Variants in OCM observed in about 807,000 individuals in gnomAD.
OCM encodes the protein oncomodulin-1.
Under a neutral mutation model 14.1 loss-of-function variants are expected in OCM, and 18 were observed. The ratio of observed to expected loss-of-function variants is 1.28; its 90% CI spans 0.88 to 1.89. The LOEUF (loss-of-function observed/expected upper bound fraction) is 1.89. Ranked by LOEUF, OCM falls within the 40% of genes most tolerant of loss-of-function variation. The pLI, the probability that OCM is intolerant of heterozygous loss-of-function variation, is 0.00. For synonymous variants in OCM, 48 were observed against 51.0 expected (o/e 0.94, Z 0.25); for missense variants, 140 against 137.6 (o/e 1.02, Z -0.09).
chr7:5,865,733 G>C, the OCM span, among the ~76,000 whole-genome samples: 8 of 152,278 alleles, frequency 5.3e-5, no homozygotes, highest in Admixed American at 5.2e-4. Context: ...CTGCGACCTG[G>C]AAGTCCCAGA....
chr7:5,869,046 G>T, the OCM span, among the ~76,000 whole-genome samples: 2 of 152,100 alleles, frequency 1.3e-5, no homozygotes, highest in African/African-American at 4.8e-5. Flanking sequence ...CTGGGCAACA[G>T]AGTGAGACTC....
At chr7:5,862,322 A>G in the OCM span, among the ~76,000 whole-genome samples, 1 of 152,044 alleles carries the variant, frequency 6.6e-6, no homozygotes, top group Non-Finnish European at 1.5e-5. Flanking sequence ...CCCATGTTCT[A>G]GCCTCATGCA....
In OCM at chr7:5,882,577, G is replaced by C. The variant is rs376247775; in HGVS notation, c.146G>C (p.Arg49Pro). ...MSANQVKDVFRFIDNDQSGYL... is the reference protein window; with the variant it reads ...MSANQVKDVFPFIDNDQSGYL... ...GCCAATCAGGTGAAGGATGTTTTCC[G>C]GTTCATAGACAACGACCAGAGCGGG... is the stretch of plus-strand genomic sequence containing the variant. The change falls in exon 2 of 4, where the codon CGG (arginine) becomes CCG (proline). Residue 49 changes from arginine to proline, a missense_variant. By Grantham distance (103) the Arg-to-Pro change is moderately radical. Transcript: ENST00000242104. The C allele has an allele frequency of 6.2e-7, 1 of 1,614,130 alleles. No homozygotes were observed. The highest frequency in any genetic ancestry group is 1.6e-4 in the Middle Eastern group (1 of 6,062).
the OCM span, among the ~76,000 whole-genome samples, chr7:5,864,322 G>A: frequency 2.1e-5 from 3 of 142,586 alleles, no homozygotes; most frequent in Admixed American, 7.3e-5. Context: ...ACTCCAGCCT[G>A]GGTGACAGGG....
chr7:5,871,531 G>C, the OCM span, among the ~76,000 whole-genome samples: 3 of 151,998 alleles, frequency 2.0e-5, no homozygotes, highest in East Asian at 5.8e-4. Flanking sequence ...TAATATTTCA[G>C]AGTTGTTGCC....
intron 3 of OCM, among the ~76,000 whole-genome samples, chr7:5,885,005 A>T (rs955687120): frequency 6.6e-6 from 1 of 152,074 alleles, no homozygotes; most frequent in African/African-American, 2.4e-5. Context: ...CTGTAATCCC[A>T]ACTACTCGGG....
the OCM span, among the ~76,000 whole-genome samples, chr7:5,869,253 G>C: frequency 2.1e-3 from 314 of 152,242 alleles, 2 homozygotes; most frequent in African/African-American, 7.4e-3. Flanking sequence ...AGACACACCT[G>C]TGAACATACC....
At chr7:5,875,772 A>G (rs1056228768), upstream of OCM, among the ~76,000 whole-genome samples, 2 of 152,080 alleles carry the variant, frequency 1.3e-5, no homozygotes, top group African/African-American at 4.8e-5. Context: ...GGGCTCAGCT[A>G]GTTTCTATGG....
chr7:5,871,962 C>G, the OCM span: 5 of 152,336 alleles, frequency 3.3e-5, no homozygotes, highest in Non-Finnish European at 5.9e-5. Context: ...GCAGAGCGCC[C>G]TGCTGCCCAG....
upstream of OCM, among the ~76,000 whole-genome samples, chr7:5,880,271 T>G (rs1356126173): frequency 2.6e-5 from 4 of 152,208 alleles, no homozygotes; most frequent in Admixed American, 6.5e-5. Flanking sequence ...CCTATGCAAA[T>G]GACTGATTAT....
chr7:5,862,744 CT>C, the OCM span, among the ~76,000 whole-genome samples: 1 of 151,950 alleles, frequency 6.6e-6, no homozygotes. Flanking sequence ...GACTCTACTC[CT>C]TTTCAAGTTT....
the OCM span, among the ~76,000 whole-genome samples, chr7:5,873,519 AT>A: frequency 6.6e-6 from 1 of 152,000 alleles, no homozygotes; most frequent in Non-Finnish European, 1.5e-5. Flanking sequence ...AGTTATTTTC[AT>A]TTTTTGTAGA....
chr7:5,883,002 C>T (rs550479970), intron 2 of OCM, among the ~76,000 whole-genome samples: 1 of 152,070 alleles, frequency 6.6e-6, no homozygotes, highest in East Asian at 1.9e-4. Flanking sequence ...GCCACCACAT[C>T]CAGCTCATTT....
chr7:5,883,564 G>A (rs1781270189), intron 2 of OCM, among the ~76,000 whole-genome samples: 1 of 151,820 alleles, frequency 6.6e-6, no homozygotes, highest in South Asian at 2.1e-4. Flanking sequence ...GGGTGCACCT[G>A]TAGTCCCAGC....
chr7:5,878,630 C>G (rs1305917939), upstream of OCM, among the ~76,000 whole-genome samples: 1 of 151,342 alleles, frequency 6.6e-6, no homozygotes, highest in Non-Finnish European at 1.5e-5. Flanking sequence ...GCCTGCAGTC[C>G]CAGCTGCTCA....
chr7:5,873,139 C>G, the OCM span, among the ~76,000 whole-genome samples: 1 of 152,102 alleles, frequency 6.6e-6, no homozygotes, highest in Non-Finnish European at 1.5e-5. Flanking sequence ...TTTTGGGAGG[C>G]CGAGGCAGGT....
At chr7:5,871,536 G>T in the OCM span, among the ~76,000 whole-genome samples, 6 of 152,096 alleles carry the variant, frequency 3.9e-5, no homozygotes, top group African/African-American at 1.4e-4. Context: ...TTTCAGAGTT[G>T]TTGCCATGGT....
upstream of OCM, among the ~76,000 whole-genome samples, chr7:5,879,373 GA>G (rs199751971): frequency 4.9e-4 from 75 of 152,260 alleles, 5 homozygotes; most frequent in East Asian, 0.014. Context: ...AGTTTTGTAG[GA>G]AAGTCACGTC....
intron 3 of OCM, 106 bp from the exon 4 acceptor site, chr7:5,885,958 C>T (rs1211098668): frequency 1.4e-6 from 2 of 1,399,760 alleles, no homozygotes; most frequent in East Asian, 4.6e-5. Context: ...CATCATCTGA[C>T]AATTTTCTTT....
Sources: gnomAD v4.1 joint callset for allele counts (sites outside exome capture counted in the v4.1 genomes callset) on GRCh38, gnomAD v4.1.1 for gene constraint, MANE v1.5 for transcripts, NCBI Gene and HGNC (gene_info 2026-07-23, HGNC 2026-07-21) for gene names.